Variants in HCN1 observed in about 807,000 individuals in gnomAD.
The protein encoded by HCN1 is hyperpolarization activated cyclic nucleotide gated potassium channel 1.
A neutral mutation model predicts 78.9 loss-of-function variants in HCN1; 13 were observed. The observed-to-expected ratio is 0.16, with a 90% CI of 0.11 to 0.26. The LOEUF (loss-of-function observed/expected upper bound fraction) is 0.26. Ranked by LOEUF, HCN1 falls within the 10% of genes least tolerant of loss-of-function variation. The pLI, the probability that HCN1 is intolerant of heterozygous loss-of-function variation, is 1.00. For synonymous variants in HCN1, 552 were observed against 455.5 expected (o/e 1.21, Z -2.70); for missense variants, 810 against 1,154.3 (o/e 0.70, Z 4.32).
At chr5:45,613,557 G>A (rs553111413) in intron 2 of HCN1, among the ~76,000 whole-genome samples, 173 of 151,932 alleles carry the variant, frequency 1.1e-3, no homozygotes, top group Non-Finnish European at 6.3e-4. Context: ...TCAGTGTGGC[G>A]ATTCCTCAGG....
At chr5:45,616,700 T>A (rs1744962467) in intron 2 of HCN1, among the ~76,000 whole-genome samples, 1 of 151,966 alleles carries the variant, frequency 6.6e-6, no homozygotes, top group Non-Finnish European at 1.5e-5. Flanking sequence ...AATGAAAAAA[T>A]ATCCTTTGGC....
intron 3 of HCN1, among the ~76,000 whole-genome samples, chr5:45,448,004 T>A (rs1006558846): frequency 6.6e-6 from 1 of 151,840 alleles, no homozygotes; most frequent in African/African-American, 2.4e-5. Context: ...CTGCTATATG[T>A]TTTTTATAAA....
At chr5:45,586,051 C>A (rs1579984794) in intron 2 of HCN1, among the ~76,000 whole-genome samples, 1 of 152,168 alleles carries the variant, frequency 6.6e-6, no homozygotes, top group Admixed American at 6.5e-5. Context: ...CTCTTCGAAG[C>A]TGTCAGACAG....
chr5:45,653,797 A>G (rs1745719904), intron 1 of HCN1, among the ~76,000 whole-genome samples: 2 of 152,066 alleles, frequency 1.3e-5, no homozygotes, highest in South Asian at 2.1e-4. Flanking sequence ...GACGGATAGC[A>G]TTGGGAGATA....
At chr5:45,641,248 A>G (rs201955227) in intron 2 of HCN1, among the ~76,000 whole-genome samples, 1 of 152,332 alleles carries the variant, frequency 6.6e-6, no homozygotes, top group South Asian at 2.1e-4. Context: ...CTCTACACCA[A>G]TTTGAATGCT....
chr5:45,509,073 A>C (rs1220368419), intron 2 of HCN1, among the ~76,000 whole-genome samples: 1 of 152,138 alleles, frequency 6.6e-6, no homozygotes, highest in Non-Finnish European at 1.5e-5. Flanking sequence ...AGTCCTTTAA[A>C]CATGACTGAT....
chr5:45,353,054 TA>T, intron 5 of HCN1, 45 bp downstream of exon 5: 1 of 1,500,582 alleles, frequency 6.7e-7, no homozygotes, highest in Non-Finnish European at 9.2e-7. Flanking sequence ...AGAGAGAAAA[TA>T]AACAATGATT....
chr5:45,403,964 T>C (rs1489986409), intron 3 of HCN1, among the ~76,000 whole-genome samples: 2 of 152,208 alleles, frequency 1.3e-5, no homozygotes, highest in Non-Finnish European at 2.9e-5. Flanking sequence ...TGCAGTCTCC[T>C]TCTAAGGACC....
chr5:45,358,332 T>C (rs1369965575), intron 4 of HCN1, among the ~76,000 whole-genome samples: 1 of 152,072 alleles, frequency 6.6e-6, no homozygotes, highest in Non-Finnish European at 1.5e-5. Context: ...ATTTATATTG[T>C]TTTTATATCC....
At chr5:45,695,522 G>C (rs1739990785) in intron 1 of HCN1, 147 bp downstream of exon 1, 1 of 722,478 alleles carries the variant, frequency 1.4e-6, no homozygotes. Context: ...GCGCCGAGTG[G>C]AGCCTGCTTA....
intron 2 of HCN1, among the ~76,000 whole-genome samples, chr5:45,597,349 C>T (rs988163760): frequency 6.6e-6 from 1 of 152,152 alleles, no homozygotes; most frequent in Admixed American, 6.6e-5. Flanking sequence ...GCAGAAAAGG[C>T]CTTTGACAAA....
chr5:45,374,697 A>C (rs1386192499), intron 4 of HCN1, among the ~76,000 whole-genome samples: 1 of 150,718 alleles, frequency 6.6e-6, no homozygotes, highest in Non-Finnish European at 1.5e-5. Flanking sequence ...ACAAAAAAAG[A>C]AAACTTCAGG....
chr5:45,560,030 G>T (rs535946173), intron 2 of HCN1: 22 of 152,168 alleles, frequency 1.4e-4, no homozygotes, highest in Middle Eastern at 6.8e-3. Context: ...TACCAATAAA[G>T]AATTTTTTAA....
At chr5:45,366,835 A>G (rs1747248286) in intron 4 of HCN1, among the ~76,000 whole-genome samples, 1 of 151,742 alleles carries the variant, frequency 6.6e-6, no homozygotes, top group Non-Finnish European at 1.5e-5. Flanking sequence ...TAAAAACCTG[A>G]TTTTCTTTAC....
intron 2 of HCN1, among the ~76,000 whole-genome samples, chr5:45,475,002 C>A (rs943766075): frequency 4.0e-5 from 6 of 151,862 alleles, no homozygotes; most frequent in African/African-American, 1.2e-4. Context: ...TTTAAAATAA[C>A]CTGTATATCT....
chr5:45,330,407 C>T (rs573300029), intron 5 of HCN1, among the ~76,000 whole-genome samples: 15 of 150,804 alleles, frequency 9.9e-5, no homozygotes, highest in African/African-American at 2.7e-4. Flanking sequence ...ACTAAATAAA[C>T]GCACAAGACA....
chr5:45,667,962 T>C (rs888749881), intron 1 of HCN1, among the ~76,000 whole-genome samples: 1 of 151,962 alleles, frequency 6.6e-6, no homozygotes, highest in Non-Finnish European at 1.5e-5. Flanking sequence ...ACAATTAAAA[T>C]GGTATGTGAC....
chr5:45,433,377 G>C (rs112329197), intron 3 of HCN1, among the ~76,000 whole-genome samples: 2 of 151,564 alleles, frequency 1.3e-5, no homozygotes, highest in African/African-American at 4.9e-5. Flanking sequence ...CTGTTTCATC[G>C]GAAATTATAA....
At chr5:45,483,302 C>T (rs1741692387) in intron 2 of HCN1, among the ~76,000 whole-genome samples, 1 of 152,128 alleles carries the variant, frequency 6.6e-6, no homozygotes, top group South Asian at 2.1e-4. Context: ...AATAGCCATT[C>T]TGACTGGTGT....
Sources: allele counts gnomAD v4.1 joint callset (sites outside exome capture counted in the v4.1 genomes callset), GRCh38; gene constraint gnomAD v4.1.1; transcripts MANE v1.5; gene names NCBI Gene and HGNC (gene_info 2026-07-23, HGNC 2026-07-21).